The following RASIP1 variants were observed in gnomAD, a reference collection of about 807,000 sequenced individuals.
RASIP1 encodes Ras interacting protein 1, also known as ras-interacting protein 1.
A neutral mutation model predicts 85.3 loss-of-function variants in RASIP1; 20 were observed. The ratio of observed to expected loss-of-function variants is 0.23; its 90% CI spans 0.17 to 0.34. The LOEUF (loss-of-function observed/expected upper bound fraction) is 0.34. Among genes scored for constraint, RASIP1 ranks in the 10% least tolerant of loss-of-function variants. The probability of loss-of-function intolerance (pLI) is 1.00; values close to 1 mark genes in which losing one functional copy is unlikely to be tolerated. For missense variants in RASIP1, 1,170 were observed against 1,390.9 expected (o/e 0.84, Z 2.53); for synonymous variants, 617 against 647.1 (o/e 0.95, Z 0.71).
At position 48,724,577 on chromosome 19, in the gene RASIP1, TC is replaced by T; in HGVS notation, c.2372-69del. 1 of 1,578,352 alleles carries T rather than the reference TC, an allele frequency of 6.3e-7. No individual in the cohort carries two copies. The highest frequency in any genetic ancestry group is 8.6e-7 in the Non-Finnish European group (1 of 1,156,672). The stretch of plus-strand genomic sequence containing the variant: ...TCTGTGCTCCTGCCTCCCAGACTCT[TC>T]CTATCCTTCAGCCTGGGATCTGGAG... On this transcript the variant is annotated intron_variant, in intron 9 of 11. Coordinates refer to ENST00000222145, the MANE Select transcript of RASIP1 (RefSeq NM_017805.3). The surrounding 1 kb of genome is among the most constrained non-coding windows in gnomAD (Gnocchi z 4.6).
chr19:48,724,327 C>A lies in RASIP1; in HGVS notation c.2544+10G>T, dbSNP rs1424263726. The stretch of plus-strand genomic sequence containing the variant: ...AGGTCAGGGGTCAGGTATAGCTGAC[C>A]AGGAGTCACCTTGAGCAGGGAAGTG... On this transcript the variant is annotated intron_variant, in intron 10 of 11. Coordinates refer to ENST00000222145, the MANE Select transcript of RASIP1 (RefSeq NM_017805.3). This position sits in a 1 kb window ranked among gnomAD's most constrained non-coding sequence, Gnocchi z 4.6. 6.2e-7 allele frequency: 1 copy of A among 1,612,236 alleles called. No individual in the cohort carries two copies. The highest frequency in any genetic ancestry group is 8.5e-7 in the Non-Finnish European group (1 of 1,178,880).
rs1382867195 is a variant in RASIP1, at chr19:48,729,607, G to A, written c.1180-17C>T. ...CACAAAGTCCTGGAGGGGAAACGAGGATGCACTAAGGACATCACTTCAATC... is the reference window on the plus strand; with the variant it reads ...CACAAAGTCCTGGAGGGGAAACGAGAATGCACTAAGGACATCACTTCAATC... On this transcript the variant is annotated splice_polypyrimidine_tract_variant and intron_variant, in intron 4 of 11. Coordinates refer to ENST00000222145, the MANE Select transcript of RASIP1 (RefSeq NM_017805.3). The A allele has an allele frequency of 6.4e-7, 1 of 1,573,382 alleles. No individual in the cohort carries two copies. Among genetic ancestry groups the A allele is most frequent in the African/African-American group, 1.4e-5 (1 of 73,698 alleles).
chr19:48,740,340 G>A lies in RASIP1; in HGVS notation c.-4-54C>T, dbSNP rs1256605645. ...CCTAAGGCATTCTTGTGGGGATGGG[G>A]TGGAGGGAACCTGGACTCCGAGTCA... On this transcript the variant is annotated intron_variant, in intron 1 of 11. Transcript: ENST00000222145. The surrounding 1 kb of genome is among the most constrained non-coding windows in gnomAD (Gnocchi z 5.5). 5.2e-6 allele frequency: 8 copies of A among 1,530,526 alleles called. 1 individual carries two copies. In the East Asian group the frequency reaches 1.5e-4, roughly 29 times the overall value. The allele number at this position is 1,530,526 out of a possible 1,614,324, so 94.8% of individuals were successfully genotyped here.
Position 48,720,697 on chromosome 19 carries a change from G to GA in RASIP1, c.*100dup. ...CTCAATCTCCCAACATTCCACGCGG[G>GA]ATAAGAACTACAACTCCCAGAAAGC... On this transcript the variant is annotated 3_prime_UTR_variant, in exon 12 of 12. Coordinates refer to ENST00000222145, the MANE Select transcript of RASIP1 (RefSeq NM_017805.3). 1 of 1,308,354 alleles carries GA rather than the reference G, an allele frequency of 7.6e-7. No homozygotes were observed. The highest frequency in any genetic ancestry group is 2.3e-5 in the East Asian group (1 of 43,272). 81.0% of individuals were successfully genotyped at this position (1,308,354 alleles called of 1,614,324 possible). A position where few individuals can be genotyped will look rare whatever the true frequency, so the allele number is the denominator to read the frequency against.
chr19:48,739,240 C>G lies in RASIP1; in HGVS notation c.543G>C (p.Glu181Asp), dbSNP rs749694360. ...CGGGGCTGCCTGCTAGGCCGTAGCG[C>G]TCTAGCGCCTCGGCCACGAGCTCGC... is the stretch of plus-strand genomic sequence containing the variant. Reference protein sequence around the residue: ...TARELVAEALERYGLAGSPGG... With the variant: ...TARELVAEALDRYGLAGSPGG... Residue 181 changes from glutamate to aspartate, a missense_variant, in exon 3 of 12, where the codon GAG becomes GAC. Glu to Asp is a conservative substitution (Grantham distance 45). This residue lies in a region of RASIP1 where 299 missense variants were observed against 394.4 expected (regional missense o/e 0.76). Coordinates refer to ENST00000222145, the MANE Select transcript of RASIP1 (RefSeq NM_017805.3). This position sits in a 1 kb window ranked among gnomAD's most constrained non-coding sequence, Gnocchi z 9.2. 6.8e-7 allele frequency: 1 copy of G among 1,475,440 alleles called. No homozygotes were observed. Among genetic ancestry groups the G allele is most frequent in the Admixed American group, 2.4e-5 (1 of 41,622 alleles). 91.4% of individuals were successfully genotyped at this position (1,475,440 alleles called of 1,614,324 possible).
chr19:48,735,163 G>T, intron 4 of RASIP1, 33 bp downstream of exon 4: 1 of 1,564,082 alleles, frequency 6.4e-7, no homozygotes, highest in East Asian at 2.3e-5. Flanking sequence ...GGGGTATAGG[G>T]CTCTGGGCGT....
At position 48,738,797 on chromosome 19, in the gene RASIP1, T is replaced by C; in HGVS notation, c.823+163A>G. On this transcript the variant is annotated intron_variant, in intron 3 of 11. Transcript: ENST00000222145. This position sits in a 1 kb window ranked among gnomAD's most constrained non-coding sequence, Gnocchi z 4.0. The stretch of plus-strand genomic sequence containing the variant: ...GCCGCCCCCGGCCCTGCTCTAGCTC[T>C]GCCTAGAGTCCAACACGCACCGTCC... 1 of 918,382 alleles carries C rather than the reference T, an allele frequency of 1.1e-6. No individual in the cohort carries two copies. Among genetic ancestry groups the C allele is most frequent in the Non-Finnish European group, 1.4e-6 (1 of 717,910 alleles). The allele number at this position is 918,382 out of a possible 1,614,324, so 56.9% of individuals were successfully genotyped here. A position where few individuals can be genotyped will look rare whatever the true frequency, so the allele number is the denominator to read the frequency against.
chr19:48,724,637 A>G lies in RASIP1; in HGVS notation c.2371+80T>C. The G allele has an allele frequency of 1.9e-6, 3 of 1,586,100 alleles. No individual in the cohort carries two copies. In the Admixed American group the frequency reaches 5.1e-5, roughly 27 times the overall value. On this transcript the variant is annotated intron_variant, in intron 9 of 11. Coordinates refer to ENST00000222145, the MANE Select transcript of RASIP1 (RefSeq NM_017805.3). This position sits in a 1 kb window ranked among gnomAD's most constrained non-coding sequence, Gnocchi z 4.6. ...CCAGGGTACCCAAAGGTGAGGCTTGAGCCCGTGGTGTGTCTAATATGACCT... is the reference window on the plus strand; with the variant it reads ...CCAGGGTACCCAAAGGTGAGGCTTGGGCCCGTGGTGTGTCTAATATGACCT...
intron 8 of RASIP1, chr19:48,725,232 CAA>C (rs879588762): frequency 2.8e-6 from 1 of 362,002 alleles, no homozygotes; most frequent in Admixed American, 4.3e-5. Flanking sequence ...GGATACTGGA[CAA>C]AGAGTTCCCT....
chr19:48,732,949 C>T (rs928315673), intron 4 of RASIP1, among the ~76,000 whole-genome samples: 4 of 152,230 alleles, frequency 2.6e-5, no homozygotes, highest in Non-Finnish European at 5.9e-5. Context: ...TTGGTCCCAG[C>T]TGTACTTGTT....
At position 48,727,042 on chromosome 19, in the gene RASIP1, T is replaced by C. The variant is rs781192893; in HGVS notation, c.1988A>G (p.Lys663Arg). 1 of 1,614,206 alleles carries C rather than the reference T, an allele frequency of 6.2e-7. No individual in the cohort carries two copies. Among genetic ancestry groups the C allele is most frequent in the Non-Finnish European group, 8.5e-7 (1 of 1,180,042 alleles). ...TTELLSFVQE[K>R]VLEMEKEADQ... ...AGCCTCCTTCTCCATTTCCAGCACC[T>C]TCTCCTGCACAAAGCTAAGCAGCTC... Residue 663 changes from lysine (K) to arginine (R), a missense_variant, in exon 7 of 12, where the codon AAG becomes AGG. Transcript: ENST00000222145.
chr19:48,726,655 G>A, intron 8 of RASIP1, 130 bp downstream of exon 8: 1 of 746,988 alleles, frequency 1.3e-6, no homozygotes, highest in South Asian at 2.0e-5. Context: ...AAAATCTTGA[G>A]TCAAATAGTG....
rs200226314 is a variant in RASIP1 at position 48,735,461 on chromosome 19, C to A, written c.914G>T (p.Gly305Val). Residue 305 changes from glycine (G) to valine (V), a missense_variant, in exon 4 of 12, where the codon GGA (glycine) becomes GTA (valine). By Grantham distance (109) the Gly-to-Val change is moderately radical. Coordinates refer to ENST00000222145, the MANE Select transcript of RASIP1 (RefSeq NM_017805.3). ...TCCAGACCCAGCTGGGGCCCCTGAT[C>A]CGGTCCCCGGGCCAGGACTGGCCAG... ...AALASPGPGT[G>V]SGAPAGSGGK... 109 of 1,585,858 alleles carry A rather than the reference C, an allele frequency of 6.9e-5. No individual in the cohort carries two copies. Among genetic ancestry groups the A allele is most frequent in the Non-Finnish European group, 8.7e-5 (101 of 1,166,582 alleles).
At position 48,721,987 on chromosome 19, in the gene RASIP1, G is replaced by A. The variant is rs1354854187; in HGVS notation, c.2559C>T (p.Ser853=). 6.8e-7 allele frequency: 1 copy of A among 1,468,804 alleles called. No homozygotes were observed. The highest frequency in any genetic ancestry group is 9.1e-7 in the Non-Finnish European group (1 of 1,093,948). The allele number at this position is 1,468,804 out of a possible 1,614,324, so 91.0% of individuals were successfully genotyped here. ...RTSLLKASWS[S]LRTDHPTLTP... ...TCAAGGTGGGGTGGTCGGTTCTTAG[G>A]CTGCTCCATGAAGCCTGGTGGGAAG... The change falls in exon 11 of 12, where the codon AGC becomes AGT. Residue 853 remains serine, a synonymous_variant. Coordinates refer to ENST00000222145, the MANE Select transcript of RASIP1 (RefSeq NM_017805.3).
rs964056757 is a variant in RASIP1 at position 48,740,572 on chromosome 19, A to T, written c.-56T>A. 2 of 1,388,908 alleles carry T rather than the reference A, an allele frequency of 1.4e-6. No homozygotes were observed. Among genetic ancestry groups the T allele is most frequent in the Non-Finnish European group, 1.9e-6 (2 of 1,075,868 alleles). 86.0% of individuals were successfully genotyped at this position (1,388,908 alleles called of 1,614,324 possible). On this transcript the variant is annotated 5_prime_UTR_variant, in exon 1 of 12. Transcript: ENST00000222145. This position sits in a 1 kb window ranked among gnomAD's most constrained non-coding sequence, Gnocchi z 5.5. ...GGCCCTGGCTCCACTGGCCTGGGTC[A>T]GTTCCACTGCTCTTGCCTCTGCCAC... is the stretch of plus-strand genomic sequence containing the variant.
rs1038207228 is a variant in RASIP1 at position 48,735,258 on chromosome 19, G to A, written c.1117C>T (p.Leu373Phe). 6.2e-7 allele frequency: 1 copy of A among 1,614,036 alleles called. No individual in the cohort carries two copies. The highest frequency in any genetic ancestry group is 8.5e-7 in the Non-Finnish European group (1 of 1,179,976). ...GGGCGGTTGCTGGGGGCCTGGATGA[G>A]GCACTGAGTCAACTGATCGAAGTCC... The part of the protein sequence containing the change: ...PGDFDQLTQC[L>F]IQAPSNRPYF... Residue 373 changes from leucine (L) to phenylalanine (F), a missense_variant, in exon 4 of 12, where the codon CTC becomes TTC. Transcript: ENST00000222145.
intron 6 of RASIP1, 113 bp from the exon 7 acceptor site, chr19:48,727,271 A>C: frequency 6.5e-7 from 1 of 1,547,548 alleles, no homozygotes; most frequent in Non-Finnish European, 8.8e-7. Flanking sequence ...GCGCAGCTGG[A>C]AAAGTTGAGC....
chr19:48,735,157 T>C (rs761452272), intron 4 of RASIP1, 39 bp downstream of exon 4: 1 of 1,543,584 alleles, frequency 6.5e-7, no homozygotes, highest in African/African-American at 1.4e-5. Context: ...ACAGATGGGG[T>C]ATAGGGCTCT....
intron 4 of RASIP1, among the ~76,000 whole-genome samples, chr19:48,731,607 T>G (rs1461272576): frequency 6.6e-6 from 1 of 152,166 alleles, no homozygotes; most frequent in Non-Finnish European, 1.5e-5. Flanking sequence ...ATTCCATAAA[T>G]GTAGAACCAC....
Sources: gnomAD v4.1 joint callset for allele counts (sites outside exome capture counted in the v4.1 genomes callset) on GRCh38, gnomAD v4.1.1 for gene constraint, gnomAD v4.1.1 regional missense constraint, Gnocchi (gnomAD v3.1) non-coding constraint, MANE v1.5 for transcripts, NCBI Gene and HGNC (gene_info 2026-07-23, HGNC 2026-07-21) for gene names.